Variants in ACOT12 observed in about 807,000 individuals in gnomAD.
ACOT12 encodes acetyl-coenzyme A thioesterase.
ACOT12 carries 51 observed loss-of-function variants against 67.7 expected under a neutral mutation model. The observed-to-expected ratio is 0.75, with a 90% CI of 0.60 to 0.95. The LOEUF (loss-of-function observed/expected upper bound fraction) is 0.95. Among genes scored for constraint, ACOT12 ranks in the 40% least tolerant of loss-of-function variants. The pLI is 0.00. For synonymous variants in ACOT12, 251 were observed against 244.6 expected, an observed-to-expected ratio of 1.03 and a Z score of -0.24; for missense variants, 734 against 708.1, an observed-to-expected ratio of 1.04 and a Z score of -0.41.
chr5:81,328,679 G>C (rs186686111), downstream of ACOT12, among the ~76,000 whole-genome samples: 2 of 152,130 alleles, frequency 1.3e-5, no homozygotes, highest in Non-Finnish European at 2.9e-5. Context: ...CCAAGAAAGC[G>C]CCAGGTGGAT....
intron 5 of ACOT12, 53 bp downstream of exon 5, chr5:81,359,850 C>T (rs907469128): frequency 6.4e-7 from 1 of 1,551,672 alleles, no homozygotes; most frequent in Non-Finnish European, 8.8e-7. Context: ...AGAAAAGACT[C>T]CTTTGCCTGT....
At position 81,346,014 on chromosome 5, in the gene ACOT12, C is replaced by A; in HGVS notation, c.654-10G>T. ...AGCCCAACACAGGCGGCTGGGGAGA[C>A]AAAGGGAGGGAGAGAGAAGAAAGCG... On this transcript the variant is annotated splice_polypyrimidine_tract_variant and intron_variant, in intron 6 of 14. Transcript: ENST00000307624. 2 of 1,612,774 alleles carry A rather than the reference C, an allele frequency of 1.2e-6. No individual in the cohort carries two copies. The highest frequency in any genetic ancestry group is 1.7e-6 in the Non-Finnish European group (2 of 1,179,450).
At chr5:81,320,833 A>G in the ACOT12 span, among the ~76,000 whole-genome samples, 1 of 152,232 alleles carries the variant, frequency 6.6e-6, no homozygotes, top group African/African-American at 2.4e-5. Context: ...ACCAAATACT[A>G]TAAACTAAAC....
chr5:81,371,900 G>T, intron 2 of ACOT12, 90 bp from the exon 3 acceptor site: 1 of 1,112,868 alleles, frequency 9.0e-7, no homozygotes, highest in Non-Finnish European at 1.4e-6. Flanking sequence ...ATGCCATAAA[G>T]CAGTTCCACC....
rs1580538817 is a variant in ACOT12 at position 81,342,706 on chromosome 5, T to C, written c.1094A>G (p.Lys365Arg). 1 of 1,614,184 alleles carries C rather than the reference T, an allele frequency of 6.2e-7. No individual in the cohort carries two copies. The highest frequency in any genetic ancestry group is 8.5e-7 in the Non-Finnish European group (1 of 1,180,030). The change falls in exon 11 of 15, where the codon AAA becomes AGA. Residue 365 changes from lysine (K) to arginine (R), a missense_variant. By Grantham distance (26) the Lys-to-Arg change is conservative. Transcript: ENST00000307624. ...AGTGCTGGTAACCTCCCAACCCCTT[T>C]TGGCTGCCAGTTTTTTGAGGGCCTC... Reference protein sequence around the residue: ...NVEALKKLAAKRGWEVTSTVE... With the variant: ...NVEALKKLAARRGWEVTSTVE...
rs1411176007 is a variant in ACOT12, at chr5:81,335,762, T to G, written c.1262+6A>C. On this transcript the variant is annotated splice_donor_region_variant and intron_variant, in intron 12 of 14. Coordinates refer to ENST00000307624, the MANE Select transcript of ACOT12 (RefSeq NM_130767.3). ...GATTGAGAAAAATTTTTAAATTTGT[T>G]CTTACACAAAATGGGGGTCCCACAA... 1.9e-6 allele frequency: 3 copies of G among 1,603,808 alleles called. No homozygotes were observed. The South Asian group carries it at 3.4e-5, about 18-fold the overall frequency.
chr5:81,337,426 G>C (rs1164092150), intron 11 of ACOT12, among the ~76,000 whole-genome samples: 1 of 152,146 alleles, frequency 6.6e-6, no homozygotes, highest in Non-Finnish European at 1.5e-5. Context: ...CCAACCTCCT[G>C]TACCTCAGAA....
chr5:81,335,964 A>G (rs1758987499), intron 11 of ACOT12, 63 bp from the exon 12 acceptor site: 1 of 1,505,742 alleles, frequency 6.6e-7, no homozygotes, highest in African/African-American at 1.4e-5. Context: ...TAGAAACCAT[A>G]TGCATATATA....
intron 2 of ACOT12, among the ~76,000 whole-genome samples, chr5:81,374,380 G>A (rs565670487): frequency 2.0e-4 from 31 of 152,112 alleles, no homozygotes; most frequent in African/African-American, 2.7e-4. Flanking sequence ...ATGAAGATGG[G>A]GAGAAAACAG....
chr5:81,348,015 A>T (rs1218055890), intron 5 of ACOT12, 85 bp from the exon 6 acceptor site: 1 of 1,424,888 alleles, frequency 7.0e-7, no homozygotes. Flanking sequence ...CAGTACATTC[A>T]ACTCGGATTT....
intron 11 of ACOT12, 43 bp downstream of exon 11, chr5:81,342,629 T>G: frequency 6.3e-7 from 1 of 1,599,308 alleles, no homozygotes; most frequent in East Asian, 2.2e-5. Context: ...AGCTTTCGTT[T>G]GTGATGGGCG....
intron 5 of ACOT12, among the ~76,000 whole-genome samples, chr5:81,357,137 C>T (rs78105631): frequency 0.026 from 4,034 of 152,248 alleles, 103 homozygotes; most frequent in African/African-American, 0.058. Flanking sequence ...CGCAATTCCT[C>T]GCCTTCCCAA....
intron 1 of ACOT12, among the ~76,000 whole-genome samples, chr5:81,386,111 T>G (rs1378193652): frequency 1.3e-5 from 2 of 152,264 alleles, no homozygotes; most frequent in Non-Finnish European, 2.9e-5. Flanking sequence ...ATCTAGCTAT[T>G]GAAATAGCAA....
intron 3 of ACOT12, among the ~76,000 whole-genome samples, chr5:81,371,297 G>A (rs749367395): frequency 1.3e-5 from 2 of 152,084 alleles, no homozygotes; most frequent in Non-Finnish European, 2.9e-5. Context: ...ATGTCACCCA[G>A]GCTGGAATGT....
chr5:81,335,599 A>G (rs561669380), intron 12 of ACOT12, among the ~76,000 whole-genome samples, 169 bp downstream of exon 12: 6 of 152,254 alleles, frequency 3.9e-5, no homozygotes, highest in Admixed American at 6.5e-5. Flanking sequence ...TCCCGGACTC[A>G]ACTATCCACC....
At chr5:81,349,043 G>C (rs1010555799) in intron 5 of ACOT12, among the ~76,000 whole-genome samples, 23 of 152,192 alleles carry the variant, frequency 1.5e-4, no homozygotes, top group African/African-American at 5.6e-4. Context: ...GGGAAGGAGG[G>C]GGAAAGGATT....
chr5:81,313,225 C>T, the ACOT12 span: 8 of 152,118 alleles, frequency 5.3e-5, no homozygotes, highest in African/African-American at 1.9e-4. Flanking sequence ...ATGTAACAAT[C>T]CCATTGGAAA....
chr5:81,364,429 AT>A (rs1371622814), intron 3 of ACOT12, among the ~76,000 whole-genome samples: 465 of 146,402 alleles, frequency 3.2e-3, no homozygotes, highest in Middle Eastern at 7.2e-3. Flanking sequence ...TTATGTTCTA[AT>A]TTTTTTTTTT....
the ACOT12 span, chr5:81,312,737 G>A: frequency 9.3e-7 from 1 of 1,080,866 alleles, no homozygotes; most frequent in African/African-American, 1.5e-5. Context: ...AGTTAGAGTT[G>A]AGCTCCCCTG....
Sources: allele counts gnomAD v4.1 joint callset (sites outside exome capture counted in the v4.1 genomes callset), GRCh38; gene constraint gnomAD v4.1.1; transcripts MANE v1.5; gene names NCBI Gene and HGNC (gene_info 2026-07-23, HGNC 2026-07-21).